The following RIMS1 variants were observed in gnomAD, a reference collection of about 807,000 sequenced individuals.
RIMS1 encodes regulating synaptic membrane exocytosis 1, also known as regulating synaptic membrane exocytosis protein 1.
RIMS1 carries 83 observed loss-of-function variants against 214.1 expected under a neutral mutation model. The ratio of observed to expected loss-of-function variants is 0.39; its 90% CI spans 0.32 to 0.47. The LOEUF is 0.47. Ranked by LOEUF, RIMS1 falls within the 20% of genes least tolerant of loss-of-function variation. The pLI is 0.99. For synonymous variants in RIMS1, 793 were observed against 786.8 expected (o/e 1.01, Z -0.13); for missense variants, 2,050 against 2,161.8 (o/e 0.95, Z 1.03).
chr6:72,266,825 A>G (rs898523435), intron 22 of RIMS1, among the ~76,000 whole-genome samples: 1 of 152,050 alleles, frequency 6.6e-6, no homozygotes, highest in Non-Finnish European at 1.5e-5. Context: ...TATAATGGCT[A>G]TCTCTTTTTA....
intron 1 of RIMS1, among the ~76,000 whole-genome samples, chr6:71,921,989 T>A (rs1780144871): frequency 6.6e-6 from 1 of 152,176 alleles, no homozygotes; most frequent in Admixed American, 6.5e-5. Flanking sequence ...TAAATTTGCA[T>A]CTTACCTTTA....
At chr6:71,978,430 T>C (rs1797695707) in intron 2 of RIMS1, among the ~76,000 whole-genome samples, 2 of 152,134 alleles carry the variant, frequency 1.3e-5, no homozygotes, top group South Asian at 4.1e-4. Context: ...TTGTGATTTT[T>C]TTTACTCTGA....
intron 29 of RIMS1, among the ~76,000 whole-genome samples, chr6:72,390,101 A>C (rs763445674): frequency 3.3e-5 from 5 of 152,232 alleles, no homozygotes; most frequent in South Asian, 4.1e-4. Context: ...CAATTAAAAT[A>C]CTAGTTTCTC....
At chr6:72,208,759 C>A (rs1284126747) in intron 6 of RIMS1, among the ~76,000 whole-genome samples, 1 of 152,106 alleles carries the variant, frequency 6.6e-6, no homozygotes, top group Admixed American at 6.5e-5. Flanking sequence ...CCTTTTATAT[C>A]TTTCTTGATG....
intron 2 of RIMS1, among the ~76,000 whole-genome samples, chr6:72,064,396 G>A (rs2152269260): frequency 6.6e-6 from 1 of 152,182 alleles, no homozygotes; most frequent in African/African-American, 2.4e-5. Flanking sequence ...AACGAAGGAA[G>A]GAAGGAATTA....
At chr6:72,284,179 G>A in intron 24 of RIMS1, 61 bp downstream of exon 24, 2 of 1,384,870 alleles carry the variant, frequency 1.4e-6, no homozygotes, top group Non-Finnish European at 2.0e-6. Flanking sequence ...TAGGGGTGCT[G>A]TCACTCTCAT....
chr6:71,934,833 A>T (rs181108897), intron 1 of RIMS1, among the ~76,000 whole-genome samples: 1 of 152,306 alleles, frequency 6.6e-6, no homozygotes, highest in East Asian at 1.9e-4. Context: ...TGCCATTATT[A>T]TGTTTATTTA....
intron 8 of RIMS1, 114 bp from the exon 9 acceptor site, chr6:72,237,709 G>GT: frequency 2.7e-6 from 2 of 733,490 alleles, no homozygotes. Flanking sequence ...CTTCATTAAT[G>GT]TTTCTACATG....
At chr6:71,978,804 A>G (rs1797778198) in intron 2 of RIMS1, among the ~76,000 whole-genome samples, 1 of 152,140 alleles carries the variant, frequency 6.6e-6, no homozygotes, top group South Asian at 2.1e-4. Flanking sequence ...AGTAGGGATC[A>G]ATATCAATTT....
At chr6:71,937,977 A>C (rs1477885647) in intron 1 of RIMS1, among the ~76,000 whole-genome samples, 1 of 152,184 alleles carries the variant, frequency 6.6e-6, no homozygotes, top group Non-Finnish European at 1.5e-5. Flanking sequence ...TCAAGGCATG[A>C]TTCGTCCTGA....
intron 2 of RIMS1, among the ~76,000 whole-genome samples, chr6:72,049,196 TG>T (rs1338822636): frequency 1.3e-5 from 2 of 151,848 alleles, no homozygotes; most frequent in East Asian, 3.9e-4. Flanking sequence ...CCTGGCAGCC[TG>T]GGCCCCATAA....
intron 2 of RIMS1, among the ~76,000 whole-genome samples, chr6:72,020,203 G>T (rs2151934183): frequency 6.6e-6 from 1 of 152,174 alleles, no homozygotes; most frequent in Admixed American, 6.5e-5. Flanking sequence ...ATTAATAATT[G>T]CTACTAATAC....
intron 2 of RIMS1, among the ~76,000 whole-genome samples, chr6:72,076,208 A>C (rs2449423): frequency 6.6e-6 from 1 of 152,230 alleles, no homozygotes; most frequent in Non-Finnish European, 1.5e-5. Flanking sequence ...AACAATACTA[A>C]GGAAAAAACA....
At chr6:72,305,609 T>G (rs945739224) in intron 26 of RIMS1, among the ~76,000 whole-genome samples, 1 of 152,100 alleles carries the variant, frequency 6.6e-6, no homozygotes, top group Non-Finnish European at 1.5e-5. Context: ...TAAATATAAC[T>G]CACATTTTTC....
intron 9 of RIMS1, among the ~76,000 whole-genome samples, chr6:72,241,142 T>G (rs1465993398): frequency 3.9e-5 from 6 of 152,218 alleles, no homozygotes; most frequent in Non-Finnish European, 7.4e-5. Context: ...TTTAAAGTAA[T>G]ACTAGCAAAG....
In RIMS1 at chr6:71,959,097, TTCATTCACAA is replaced by T. The variant is rs1293893733; in HGVS notation, c.165-9884_165-9875del. On this transcript the variant is annotated intron_variant, in intron 1 of 33. Coordinates refer to ENST00000521978, the MANE Select transcript of RIMS1 (RefSeq NM_014989.7). Reference sequence around the variant, plus strand: ...GACCTCTTGACAAAATAAAGAAATATTCATTCACAATAGAAAATGAAAGGTGTATATTTCT... The same window carrying T: ...GACCTCTTGACAAAATAAAGAAATATTAGAAAATGAAAGGTGTATATTTCT... Among the ~76,000 whole-genome samples, 6 of 152,246 alleles carry T rather than the reference TTCATTCACAA, an allele frequency of 3.9e-5. No homozygotes were observed. In the South Asian group the frequency reaches 1.0e-3, roughly 26 times the overall value.
chr6:72,335,684 C>T (rs575657363), intron 29 of RIMS1, among the ~76,000 whole-genome samples: 1 of 152,122 alleles, frequency 6.6e-6, no homozygotes, highest in African/African-American at 2.4e-5. Flanking sequence ...TTTACATTCC[C>T]ACCAACAGTG....
At chr6:72,325,057 A>G (rs1030387978) in intron 28 of RIMS1, among the ~76,000 whole-genome samples, 1 of 151,996 alleles carries the variant, frequency 6.6e-6, no homozygotes, top group Non-Finnish European at 1.5e-5. Context: ...CCTTTTCACC[A>G]AGAAATATCC....
At chr6:72,347,233 C>T (rs1340913557) in intron 29 of RIMS1, among the ~76,000 whole-genome samples, 1 of 151,826 alleles carries the variant, frequency 6.6e-6, no homozygotes, top group Non-Finnish European at 1.5e-5. Context: ...AGTAAAAGCA[C>T]GTCACTCAAC....
Sources: allele counts gnomAD v4.1 joint callset (sites outside exome capture counted in the v4.1 genomes callset), GRCh38; gene constraint gnomAD v4.1.1; transcripts MANE v1.5; gene names NCBI Gene and HGNC (gene_info 2026-07-23, HGNC 2026-07-21).